Variants in PRIM2 observed in about 807,000 individuals in gnomAD.
PRIM2 encodes DNA primase large subunit.
A neutral mutation model predicts 67.3 loss-of-function variants in PRIM2; 39 were observed. The ratio of observed to expected loss-of-function variants is 0.58; its 90% CI spans 0.45 to 0.76. The LOEUF is 0.76. Among genes scored for constraint, PRIM2 ranks in the 30% least tolerant of loss-of-function variants. PRIM2 has a pLI of 0.00. For synonymous variants in PRIM2, 143 were observed against 198.7 expected (o/e 0.72, Z 2.36); for missense variants, 398 against 598.7 (o/e 0.66, Z 3.50).
intron 5 of PRIM2, among the ~76,000 whole-genome samples, chr6:57,338,031 C>A (rs577078139): frequency 6.6e-5 from 10 of 151,990 alleles, no homozygotes; most frequent in Admixed American, 3.9e-4. Flanking sequence ...GGGATATCAC[C>A]ACTGATCCCA....
At chr6:57,327,062 C>T (rs1475573930) in intron 5 of PRIM2, among the ~76,000 whole-genome samples, 1 of 151,914 alleles carries the variant, frequency 6.6e-6, no homozygotes, top group African/African-American at 2.4e-5. Context: ...TGCCACCATG[C>T]CTGGCTAATT....
At chr6:57,335,445 C>A (rs1033872246) in intron 5 of PRIM2, among the ~76,000 whole-genome samples, 1 of 152,146 alleles carries the variant, frequency 6.6e-6, no homozygotes, top group Non-Finnish European at 1.5e-5. Flanking sequence ...GTAACCTCTG[C>A]AGACTTAAAC....
intron 7 of PRIM2, among the ~76,000 whole-genome samples, chr6:57,503,623 C>T (rs1210230728): frequency 2.0e-5 from 3 of 152,026 alleles, no homozygotes; most frequent in Non-Finnish European, 4.4e-5. Context: ...GTGGCACACA[C>T]CTGTAATCCT....
At chr6:57,578,023 AGTCTTTCCTT>A (rs1775994550) in intron 10 of PRIM2, among the ~76,000 whole-genome samples, 3 of 152,058 alleles carry the variant, frequency 2.0e-5, no homozygotes, top group African/African-American at 7.3e-5. Flanking sequence ...ACAATTTCTC[AGTCTTTCCTT>A]GTCTTTTCAT....
chr6:57,277,493 A>G, the PRIM2 span, among the ~76,000 whole-genome samples: 1 of 152,162 alleles, frequency 6.6e-6, no homozygotes, highest in Non-Finnish European at 1.5e-5. Flanking sequence ...GGAACTTACA[A>G]TGCAGTGGGA....
the PRIM2 span, among the ~76,000 whole-genome samples, chr6:57,290,805 C>T: frequency 7.2e-5 from 11 of 151,930 alleles, no homozygotes; most frequent in South Asian, 4.2e-4. Context: ...GAAACCAATG[C>T]GAACAAAGAC....
In PRIM2 at chr6:57,455,431, G is replaced by C. The variant is rs1459879667; in HGVS notation, c.694-51956G>C. Among the ~76,000 whole-genome samples the C allele has an allele frequency of 4.1e-3, 618 of 152,254 alleles. 4 individuals carry two copies. The highest frequency in any genetic ancestry group is 0.014 in the African/African-American group (595 of 41,536). On this transcript the variant is annotated intron_variant, in intron 7 of 13. Transcript: ENST00000615550. ...ATTGTGTGGTAGTCTAAGTCTCTTT[G>C]TAGGTCTCTAAGGACTTGCTTTATG...
the PRIM2 span, among the ~76,000 whole-genome samples, chr6:57,302,843 A>G: frequency 2.0e-5 from 3 of 152,192 alleles, no homozygotes; most frequent in Non-Finnish European, 4.4e-5. Context: ...GTTTTCTAAG[A>G]TTTCTAAAAT....
At chr6:57,508,917 T>TGCTTGA in intron 8 of PRIM2, among the ~76,000 whole-genome samples, 1 of 152,228 alleles carries the variant, frequency 6.6e-6, no homozygotes, top group Admixed American at 6.5e-5. Flanking sequence ...ATTGTATTAG[T>TGCTTGA]CAACATACCT....
chr6:57,424,132 T>C (rs9475939), intron 7 of PRIM2, among the ~76,000 whole-genome samples: 10,002 of 152,266 alleles, frequency 0.066, 685 homozygotes, highest in African/African-American at 0.17. Context: ...AAAACAAAAC[T>C]GGGACCTAAT....
intron 5 of PRIM2, among the ~76,000 whole-genome samples, chr6:57,369,536 A>G (rs1234017056): frequency 6.6e-6 from 1 of 152,200 alleles, no homozygotes; most frequent in African/African-American, 2.4e-5. Context: ...AGTAGTGGCA[A>G]GAGCAGAACT....
the PRIM2 span, among the ~76,000 whole-genome samples, chr6:57,244,069 T>A: frequency 6.6e-6 from 1 of 152,122 alleles, no homozygotes; most frequent in African/African-American, 2.4e-5. Context: ...TCACTGGATC[T>A]CCCTTTCTGC....
At chr6:57,580,983 AGAAAATAAATCTGG>A (rs1776074539) in intron 10 of PRIM2, among the ~76,000 whole-genome samples, 1 of 152,222 alleles carries the variant, frequency 6.6e-6, no homozygotes, top group Non-Finnish European at 1.5e-5. Flanking sequence ...AGGTGGGGAC[AGAAAATAAATCTGG>A]GAAAATAAGT....
intron 10 of PRIM2, among the ~76,000 whole-genome samples, chr6:57,563,073 A>G (rs1336214131): frequency 6.6e-6 from 1 of 152,150 alleles, no homozygotes; most frequent in Non-Finnish European, 1.5e-5. Flanking sequence ...AATGCCCTAT[A>G]GAATTTCATG....
the PRIM2 span, among the ~76,000 whole-genome samples, chr6:57,286,807 C>T: frequency 0.28 from 42,294 of 152,048 alleles, 6,571 homozygotes; most frequent in East Asian, 0.6. Context: ...AAACTATCAT[C>T]AGAGTGAACA....
intron 11 of PRIM2, among the ~76,000 whole-genome samples, chr6:57,603,471 T>C (rs1180444516): frequency 1.8e-4 from 27 of 152,318 alleles, no homozygotes; most frequent in African/African-American, 6.5e-4. Flanking sequence ...TTATTGACTT[T>C]GTTGAAGGTC....
intron 7 of PRIM2, among the ~76,000 whole-genome samples, chr6:57,476,677 T>C (rs1161853296): frequency 6.6e-6 from 1 of 152,232 alleles, no homozygotes; most frequent in Non-Finnish European, 1.5e-5. Context: ...CTAAAAATTC[T>C]GTAGGCCACC....
chr6:57,234,010 G>A, the PRIM2 span, among the ~76,000 whole-genome samples: 4 of 151,978 alleles, frequency 2.6e-5, no homozygotes, highest in African/African-American at 4.8e-5. Flanking sequence ...TAGTGTGTAC[G>A]AATAAATAGA....
chr6:57,420,917 A>T (rs976576299), intron 7 of PRIM2, among the ~76,000 whole-genome samples: 17 of 152,316 alleles, frequency 1.1e-4, no homozygotes, highest in Non-Finnish European at 2.2e-4. Context: ...CAGAAAAGAG[A>T]TCAGGGATAG....
Sources: gnomAD v4.1 joint callset for allele counts (sites outside exome capture counted in the v4.1 genomes callset) on GRCh38, gnomAD v4.1.1 for gene constraint, MANE v1.5 for transcripts, NCBI Gene and HGNC (gene_info 2026-07-23, HGNC 2026-07-21) for gene names.